The following PDE8B variants were observed in gnomAD, a reference collection of about 807,000 sequenced individuals.
PDE8B encodes phosphodiesterase 8B, also known as high affinity cAMP-specific and IBMX-insensitive 3',5'-cyclic phosphodiesterase 8B.
A neutral mutation model predicts 101.3 loss-of-function variants in PDE8B; 26 were observed. The observed-to-expected ratio is 0.26, with a 90% CI of 0.19 to 0.36. The LOEUF (loss-of-function observed/expected upper bound fraction) is 0.36. Among genes scored for constraint, PDE8B ranks in the 10% least tolerant of loss-of-function variants. PDE8B has a pLI of 1.00. For synonymous variants in PDE8B, 424 were observed against 429.3 expected (o/e 0.99, Z 0.15); for missense variants, 810 against 1,163.1 (o/e 0.70, Z 4.42).
At chr5:77,240,299 G>C (rs574687310) in intron 1 of PDE8B, among the ~76,000 whole-genome samples, 14 of 152,194 alleles carry the variant, frequency 9.2e-5, no homozygotes, top group African/African-American at 2.9e-4. Context: ...GACTACAGAC[G>C]CCCGCCACCG....
the PDE8B span, among the ~76,000 whole-genome samples, chr5:77,094,772 A>T: frequency 6.6e-6 from 1 of 152,180 alleles, no homozygotes; most frequent in Admixed American, 6.5e-5. Flanking sequence ...GGGAGCAGAC[A>T]TCATAGCAAG....
chr5:77,319,348 G>A (rs1332162410), intron 2 of PDE8B, among the ~76,000 whole-genome samples: 1 of 152,074 alleles, frequency 6.6e-6, no homozygotes, highest in African/African-American at 2.4e-5. Flanking sequence ...ACTTTTTTTA[G>A]CCAAAGACTG....
the PDE8B span, chr5:77,119,159 A>C: frequency 8.5e-5 from 13 of 152,288 alleles, no homozygotes; most frequent in African/African-American, 3.1e-4. Flanking sequence ...GGCTACATTA[A>C]AAAGACTGCA....
chr5:77,380,038 C>T (rs1038946298), intron 10 of PDE8B, among the ~76,000 whole-genome samples: 9 of 152,154 alleles, frequency 5.9e-5, no homozygotes, highest in Admixed American at 2.0e-4. Flanking sequence ...AATAAGTCAA[C>T]GTTTAAAGCT....
chr5:77,423,322 G>T (rs1300243613), intron 20 of PDE8B, among the ~76,000 whole-genome samples: 1 of 152,184 alleles, frequency 6.6e-6, no homozygotes, highest in Admixed American at 6.5e-5. Context: ...TCATAAACAT[G>T]CAAGTACAGG....
intron 1 of PDE8B, among the ~76,000 whole-genome samples, chr5:77,263,402 A>C (rs1026636729): frequency 1.3e-5 from 2 of 152,164 alleles, no homozygotes; most frequent in African/African-American, 4.8e-5. Flanking sequence ...GAAGTAAATA[A>C]ATGTTTTTAT....
At chr5:77,306,154 T>C (rs1771161467) in intron 1 of PDE8B, among the ~76,000 whole-genome samples, 1 of 152,174 alleles carries the variant, frequency 6.6e-6, no homozygotes, top group Non-Finnish European at 1.5e-5. Flanking sequence ...TCATCTGTTT[T>C]GCAGAGTCTG....
the PDE8B span, chr5:77,180,384 C>T: frequency 1.0e-6 from 1 of 952,530 alleles, no homozygotes; most frequent in Non-Finnish European, 1.3e-6. Flanking sequence ...GGCCGGTGCC[C>T]TCTGTGCGGG....
intron 10 of PDE8B, among the ~76,000 whole-genome samples, chr5:77,360,232 T>C (rs961605469): frequency 1.3e-5 from 2 of 149,520 alleles, no homozygotes; most frequent in African/African-American, 5.0e-5. Context: ...AGGAGTATTA[T>C]GTTGGCGTTT....
At chr5:77,220,533 C>T (rs970982445) in intron 1 of PDE8B, among the ~76,000 whole-genome samples, 3 of 152,172 alleles carry the variant, frequency 2.0e-5, no homozygotes, top group African/African-American at 4.8e-5. Context: ...GACTATATGA[C>T]AAACATTAGT....
At chr5:77,290,916 G>T in intron 1 of PDE8B, 1 of 1,607,120 alleles carries the variant, frequency 6.2e-7, no homozygotes, top group Admixed American at 1.7e-5. Flanking sequence ...CAAGCTGCTT[G>T]GTGCAATTTG....
the PDE8B span, among the ~76,000 whole-genome samples, chr5:77,097,099 C>T: frequency 2.6e-5 from 4 of 151,980 alleles, no homozygotes; most frequent in Non-Finnish European, 4.4e-5. Flanking sequence ...TAATTATATA[C>T]ATCTTTGGCT....
At chr5:77,410,450 G>C (rs997521553) in intron 14 of PDE8B, 2 of 152,268 alleles carry the variant, frequency 1.3e-5, no homozygotes, top group Non-Finnish European at 2.9e-5. Flanking sequence ...CATAGCTTAT[G>C]GGGAGGTGCT....
intron 11 of PDE8B, among the ~76,000 whole-genome samples, chr5:77,401,190 T>C (rs985943993): frequency 2.0e-5 from 3 of 152,228 alleles, no homozygotes; most frequent in African/African-American, 7.2e-5. Flanking sequence ...TCCTTCCCCC[T>C]TTCTGAAAAC....
At chr5:77,130,798 A>G in the PDE8B span, among the ~76,000 whole-genome samples, 1 of 152,182 alleles carries the variant, frequency 6.6e-6, no homozygotes, top group Admixed American at 6.5e-5. Context: ...CTTCCCACCA[A>G]AAAATTTTGA....
the PDE8B span, among the ~76,000 whole-genome samples, chr5:77,135,293 C>T: frequency 6.6e-6 from 1 of 152,166 alleles, no homozygotes; most frequent in Admixed American, 6.5e-5. Flanking sequence ...ACAGGCATTT[C>T]TCCCAATAAA....
rs780551524 is a variant in PDE8B at position 77,344,935 on chromosome 5, T to C, written c.876+4T>C. 1.8e-5 allele frequency: 29 copies of C among 1,591,432 alleles called. No homozygotes were observed. The African/African-American group carries it at 3.8e-4, about 21-fold the overall frequency. On this transcript the variant is annotated splice_donor_region_variant and intron_variant, in intron 7 of 21. Coordinates refer to ENST00000264917, the MANE Select transcript of PDE8B (RefSeq NM_003719.5). ...AAGCGATGACCACGTGATTCAGGTA[T>C]GGAAAGAAACCACCTCTATCATTAA... is the stretch of plus-strand genomic sequence containing the variant.
At chr5:77,261,951 C>T (rs1356056671) in intron 1 of PDE8B, among the ~76,000 whole-genome samples, 1 of 152,150 alleles carries the variant, frequency 6.6e-6, no homozygotes, top group Non-Finnish European at 1.5e-5. Context: ...CTGACAGCCT[C>T]CTGTTTTCCA....
chr5:77,410,637 C>G (rs965869110), intron 14 of PDE8B: 1 of 151,946 alleles, frequency 6.6e-6, no homozygotes, highest in African/African-American at 2.4e-5. Flanking sequence ...CAAGTAAAAC[C>G]AAGAATCTCT....
Sources: gnomAD v4.1 joint callset for allele counts (sites outside exome capture counted in the v4.1 genomes callset) on GRCh38, gnomAD v4.1.1 for gene constraint, MANE v1.5 for transcripts, NCBI Gene and HGNC (gene_info 2026-07-23, HGNC 2026-07-21) for gene names.